Variants in PCDH15 observed in about 807,000 individuals in gnomAD.
The protein encoded by PCDH15 is protocadherin related 15.
PCDH15 carries 129 observed loss-of-function variants against 178.5 expected under a neutral mutation model. That is an observed-to-expected ratio of 0.72 (90% confidence interval 0.63 to 0.84). The LOEUF (loss-of-function observed/expected upper bound fraction) is 0.84. Among genes scored for constraint, PCDH15 ranks in the 40% least tolerant of loss-of-function variants. The pLI is 0.00. For synonymous variants in PCDH15, 800 were observed against 732.0 expected, an observed-to-expected ratio of 1.09 and a Z score of -1.50; for missense variants, 2,230 against 2,099.9, an observed-to-expected ratio of 1.06 and a Z score of -1.21.
intron 2 of PCDH15, among the ~76,000 whole-genome samples, chr10:54,657,130 G>A (rs2094420187): frequency 6.6e-6 from 1 of 152,214 alleles, no homozygotes; most frequent in African/African-American, 2.4e-5. Flanking sequence ...AGCCCATTTT[G>A]TTGGTAGCTG....
chr10:54,821,368 CA>C (rs528458906), intron 3 of PCDH15, among the ~76,000 whole-genome samples: 16 of 152,004 alleles, frequency 1.1e-4, no homozygotes, highest in Non-Finnish European at 2.2e-4. Flanking sequence ...CAGTGAGTCC[CA>C]TTGTTGTAGG....
chr10:54,515,822 G>A (rs2082155598), intron 3 of PCDH15, among the ~76,000 whole-genome samples: 1 of 152,004 alleles, frequency 6.6e-6, no homozygotes, highest in South Asian at 2.1e-4. Context: ...TGCAGTTCAT[G>A]AAAATCTGCT....
At chr10:55,057,547 T>C (rs536845011) in intron 2 of PCDH15, among the ~76,000 whole-genome samples, 29 of 152,284 alleles carry the variant, frequency 1.9e-4, no homozygotes, top group African/African-American at 7.0e-4. Flanking sequence ...CAAGTTGCTG[T>C]GGGAAGCTTG....
At chr10:54,974,086 C>CACACACACACACACAG (rs1388568956) in intron 2 of PCDH15, among the ~76,000 whole-genome samples, 5 of 150,570 alleles carry the variant, frequency 3.3e-5, no homozygotes, top group African/African-American at 1.2e-4. Context: ...CACACACAGA[C>CACACACACACACACAG]ACACACACAC....
intron 2 of PCDH15, among the ~76,000 whole-genome samples, chr10:54,650,168 A>G (rs1834965354): frequency 2.6e-5 from 4 of 152,178 alleles, no homozygotes; most frequent in African/African-American, 7.2e-5. Context: ...TATCAGTAAT[A>G]AGTAGAATTT....
chr10:54,962,989 C>A (rs931209465), intron 2 of PCDH15, among the ~76,000 whole-genome samples: 3 of 152,186 alleles, frequency 2.0e-5, no homozygotes, highest in African/African-American at 7.2e-5. Context: ...TGAGAAGATA[C>A]AGGCTTGACT....
intron 3 of PCDH15, among the ~76,000 whole-genome samples, chr10:54,525,440 A>C (rs2083277735): frequency 6.6e-6 from 1 of 152,166 alleles, no homozygotes; most frequent in African/African-American, 2.4e-5. Context: ...AGCAAGGCTA[A>C]AAATAAGTAT....
At chr10:54,451,760 C>T (rs1418090276) in intron 3 of PCDH15, among the ~76,000 whole-genome samples, 6 of 151,778 alleles carry the variant, frequency 4.0e-5, no homozygotes, top group Non-Finnish European at 4.4e-5. Context: ...GTTTAAAAAT[C>T]TCCATTATGC....
intron 3 of PCDH15, among the ~76,000 whole-genome samples, chr10:54,884,508 T>C (rs1391744764): frequency 6.7e-6 from 1 of 148,970 alleles, no homozygotes; most frequent in Non-Finnish European, 1.5e-5. Flanking sequence ...TGTGTGTGTG[T>C]GTGCACCTGT....
chr10:54,257,048 AT>A (rs759666600), intron 8 of PCDH15, among the ~76,000 whole-genome samples: 1 of 111,250 alleles, frequency 9.0e-6, no homozygotes, highest in Non-Finnish European at 2.0e-5. Context: ...CTCTCGATAG[AT>A]TAGATAGATA....
intron 1 of PCDH15, among the ~76,000 whole-genome samples, chr10:54,682,009 G>A (rs1017764021): frequency 1.1e-4 from 16 of 152,144 alleles, no homozygotes; most frequent in African/African-American, 3.9e-4. Flanking sequence ...TGAGGATAAA[G>A]AGAATGTATG....
chr10:54,548,605 AT>A (rs1010950705), intron 2 of PCDH15, among the ~76,000 whole-genome samples: 1 of 132,138 alleles, frequency 7.6e-6, no homozygotes, highest in African/African-American at 2.7e-5. Context: ...TATATTATAT[AT>A]TTAATATATA....
intron 8 of PCDH15, among the ~76,000 whole-genome samples, chr10:54,291,416 G>A (rs1378174535): frequency 6.6e-6 from 1 of 152,094 alleles, no homozygotes; most frequent in Non-Finnish European, 1.5e-5. Context: ...GAAAGAACTA[G>A]AGAAGCAAGA....
At chr10:54,314,832 C>T (rs966028626) in intron 8 of PCDH15, among the ~76,000 whole-genome samples, 8 of 152,220 alleles carry the variant, frequency 5.3e-5, no homozygotes, top group African/African-American at 1.9e-4. Flanking sequence ...AAATTAGCCT[C>T]CCACTCCATC....
At chr10:55,427,302 T>C (rs1838780581) in intron 2 of PCDH15, among the ~76,000 whole-genome samples, 1 of 152,182 alleles carries the variant, frequency 6.6e-6, no homozygotes, top group Non-Finnish European at 1.5e-5. Context: ...ACTACCATAC[T>C]AATGTGAACA....
At chr10:54,492,695 G>T (rs76780815) in intron 3 of PCDH15, among the ~76,000 whole-genome samples, 233 of 152,186 alleles carry the variant, frequency 1.5e-3, no homozygotes, top group Middle Eastern at 6.8e-3. Flanking sequence ...GTACTATAAG[G>T]TATTTTAAGA....
intron 21 of PCDH15, among the ~76,000 whole-genome samples, chr10:53,977,724 A>G (rs1010801348): frequency 1.3e-5 from 2 of 152,290 alleles, no homozygotes; most frequent in Non-Finnish European, 2.9e-5. Flanking sequence ...CACAGCAAGT[A>G]CCTTCTGCTT....
At chr10:54,318,357 G>C (rs2061403392) in intron 7 of PCDH15, among the ~76,000 whole-genome samples, 1 of 152,136 alleles carries the variant, frequency 6.6e-6, no homozygotes, top group African/African-American at 2.4e-5. Flanking sequence ...CCACTGGAGT[G>C]TTTAACAGCT....
intron 2 of PCDH15, among the ~76,000 whole-genome samples, chr10:55,395,860 A>C (rs1837915288): frequency 6.6e-6 from 1 of 152,120 alleles, no homozygotes. Context: ...AAAACCAAAC[A>C]TAAAATATAA....
Sources: allele counts gnomAD v4.1 joint callset (sites outside exome capture counted in the v4.1 genomes callset), GRCh38; gene constraint gnomAD v4.1.1; transcripts MANE v1.5; gene names NCBI Gene and HGNC (gene_info 2026-07-23, HGNC 2026-07-21).